VDAC1: variants seen among roughly 807,000 people sequenced by gnomAD.
VDAC1 encodes the protein non-selective voltage-gated ion channel VDAC1.
In VDAC1, 10 loss-of-function variants were observed where a neutral mutation model predicts 34.7. The observed-to-expected ratio is 0.29, with a 90% confidence interval of 0.18 to 0.49. VDAC1 has a LOEUF of 0.49. Ranked by LOEUF, VDAC1 falls within the 20% of genes least tolerant of loss-of-function variation. The pLI, the probability that VDAC1 is intolerant of heterozygous loss-of-function variation, is 0.99. For synonymous variants in VDAC1, 130 were observed against 136.0 expected (o/e 0.96, Z 0.30); for missense variants, 230 against 347.9 (o/e 0.66, Z 2.69).
chr5:134,061,644 A>G, the VDAC1 span, among the ~76,000 whole-genome samples: 1 of 151,862 alleles, frequency 6.6e-6, no homozygotes, highest in East Asian at 1.9e-4. Context: ...GAATGCTGGG[A>G]TTATAAGCGA....
At chr5:134,099,123 A>G in the VDAC1 span, among the ~76,000 whole-genome samples, 3 of 152,182 alleles carry the variant, frequency 2.0e-5, no homozygotes, top group East Asian at 5.8e-4. Context: ...ACAGGCAGGA[A>G]AGGCAGGACT....
At chr5:134,068,159 T>A in the VDAC1 span, among the ~76,000 whole-genome samples, 2 of 152,118 alleles carry the variant, frequency 1.3e-5, no homozygotes, top group Non-Finnish European at 2.9e-5. Context: ...TCACTTCAAT[T>A]ACTCTACTCC....
the VDAC1 span, among the ~76,000 whole-genome samples, chr5:134,037,207 A>C: frequency 6.6e-6 from 1 of 152,190 alleles, no homozygotes; most frequent in African/African-American, 2.4e-5. Flanking sequence ...AACAATCCTA[A>C]TAGATTTGTT....
the VDAC1 span, among the ~76,000 whole-genome samples, chr5:134,025,125 A>T: frequency 6.6e-6 from 1 of 152,208 alleles, no homozygotes; most frequent in African/African-American, 2.4e-5. Flanking sequence ...TAAAGAAAAG[A>T]TCTTTAATTG....
At chr5:134,006,749 A>G (rs58032551), upstream of VDAC1, among the ~76,000 whole-genome samples, 2 of 52,414 alleles carry the variant, frequency 3.8e-5, no homozygotes, top group Non-Finnish European at 7.0e-5. Context: ...CCCCCCCCCC[A>G]AAAAAAAAAA....
the VDAC1 span, among the ~76,000 whole-genome samples, chr5:134,082,325 A>G: frequency 1.3e-5 from 2 of 151,770 alleles, no homozygotes; most frequent in Non-Finnish European, 2.9e-5. Flanking sequence ...TACACTATGA[A>G]CTCTCTTTTG....
the VDAC1 span, among the ~76,000 whole-genome samples, chr5:134,027,234 C>T: frequency 6.6e-6 from 1 of 152,298 alleles, no homozygotes; most frequent in East Asian, 1.9e-4. Context: ...TGAGACGTCC[C>T]TGGATCAGGG....
upstream of VDAC1, among the ~76,000 whole-genome samples, chr5:134,007,257 A>AG (rs1753771959): frequency 6.6e-6 from 1 of 150,700 alleles, no homozygotes; most frequent in Admixed American, 6.6e-5. Flanking sequence ...AAAAAAAAAA[A>AG]GAAAAAAGAG....
At chr5:133,988,291 T>TA (rs202168749) in intron 5 of VDAC1, among the ~76,000 whole-genome samples, 17 of 147,630 alleles carry the variant, frequency 1.2e-4, no homozygotes, top group East Asian at 4.0e-4. Context: ...AAAAGTAAAT[T>TA]AAAAAAAAAA....
At chr5:134,085,889 T>G in the VDAC1 span, among the ~76,000 whole-genome samples, 1 of 151,974 alleles carries the variant, frequency 6.6e-6, no homozygotes, top group Admixed American at 6.6e-5. Context: ...TAAGACCCTA[T>G]CTCTGAAAAA....
the VDAC1 span, among the ~76,000 whole-genome samples, chr5:134,016,838 T>A: frequency 6.6e-6 from 1 of 152,236 alleles, no homozygotes; most frequent in African/African-American, 2.4e-5. Context: ...TTGTGTGGCT[T>A]ACACACTGCA....
intron 5 of VDAC1, among the ~76,000 whole-genome samples, chr5:133,982,323 C>T (rs1341434954): frequency 6.6e-6 from 1 of 151,910 alleles, no homozygotes; most frequent in African/African-American, 2.4e-5. Flanking sequence ...ACCAGCCTGG[C>T]CAACATGGTG....
upstream of VDAC1, chr5:134,005,390 G>A (rs1210708819): frequency 6.6e-6 from 1 of 152,256 alleles, no homozygotes; most frequent in Non-Finnish European, 1.5e-5. Context: ...CGGATACAAT[G>A]TGTCTGGCGC....
At chr5:134,112,386 A>C in the VDAC1 span, among the ~76,000 whole-genome samples, 1 of 152,212 alleles carries the variant, frequency 6.6e-6, no homozygotes, top group Non-Finnish European at 1.5e-5. Context: ...GGCTAGGTAC[A>C]CAGTAGATGA....
the VDAC1 span, among the ~76,000 whole-genome samples, chr5:134,092,099 C>CT: frequency 6.6e-6 from 1 of 152,156 alleles, no homozygotes; most frequent in African/African-American, 2.4e-5. Flanking sequence ...GATGAGGAAC[C>CT]AAGGCTCATT....
the VDAC1 span, among the ~76,000 whole-genome samples, chr5:134,070,386 T>C: frequency 6.6e-6 from 1 of 152,206 alleles, no homozygotes; most frequent in African/African-American, 2.4e-5. Context: ...CTGTCCGTGA[T>C]CTGCCCATCT....
the VDAC1 span, among the ~76,000 whole-genome samples, chr5:134,023,394 G>A: frequency 6.7e-6 from 1 of 150,142 alleles, no homozygotes; most frequent in East Asian, 2.0e-4. Context: ...TGGATGACAT[G>A]TTGATAGGTG....
intron 1 of VDAC1, among the ~76,000 whole-genome samples, chr5:134,000,084 C>T (rs1168196374): frequency 6.6e-6 from 1 of 152,130 alleles, no homozygotes; most frequent in African/African-American, 2.4e-5. Flanking sequence ...GGGGCGAACA[C>T]AATCAGCAGC....
the VDAC1 span, among the ~76,000 whole-genome samples, chr5:134,087,714 G>A: frequency 6.6e-6 from 1 of 151,648 alleles, no homozygotes; most frequent in Non-Finnish European, 1.5e-5. Flanking sequence ...AAATAAGCTG[G>A]GTGTGGTGGC....
Sources: allele counts gnomAD v4.1 joint callset (sites outside exome capture counted in the v4.1 genomes callset), GRCh38; gene constraint gnomAD v4.1.1; transcripts MANE v1.5; gene names NCBI Gene and HGNC (gene_info 2026-07-23, HGNC 2026-07-21).